The following PHLPP1 variants were observed in gnomAD, a reference collection of about 807,000 sequenced individuals.
PHLPP1 encodes PH domain and leucine rich repeat protein phosphatase 1, also known as PH domain leucine-rich repeat-containing protein phosphatase 1.
In PHLPP1, 42 loss-of-function variants were observed where a neutral mutation model predicts 117.2. That is an observed-to-expected ratio of 0.36 (90% CI 0.28 to 0.46). PHLPP1 has a LOEUF of 0.46. PHLPP1 is among the 20% of genes least tolerant of loss of function. The probability of loss-of-function intolerance (pLI) is 1.00; values close to 1 mark genes in which losing one functional copy is unlikely to be tolerated. For missense variants in PHLPP1, 2,084 were observed against 2,241.9 expected, an observed-to-expected ratio of 0.93 and a Z score of 1.42; for synonymous variants, 1,042 against 970.7, an observed-to-expected ratio of 1.07 and a Z score of -1.37.
chr18:62,959,911 G>A (rs555011490), intron 13 of PHLPP1, among the ~76,000 whole-genome samples: 5 of 152,152 alleles, frequency 3.3e-5, no homozygotes, highest in Admixed American at 6.5e-5. Flanking sequence ...CGTAGAGACC[G>A]AGGTTCTCTC....
At chr18:62,975,795 G>A (rs543670759) in intron 16 of PHLPP1, among the ~76,000 whole-genome samples, 170 bp downstream of exon 16, 4 of 152,362 alleles carry the variant, frequency 2.6e-5, no homozygotes, top group East Asian at 1.9e-4. Context: ...ACATTATGAT[G>A]TATATGCTTG....
chr18:62,839,885 G>A lies in PHLPP1; in HGVS notation c.1899+976G>A, dbSNP rs80104082. The A allele has an allele frequency of 6.2e-3, 943 of 151,204 alleles. 15 individuals carry two copies. The highest frequency in any genetic ancestry group is 0.022 in the African/African-American group (904 of 41,228). 9.4% of individuals were successfully genotyped at this position (151,204 alleles called of 1,614,324 possible). A position where few individuals can be genotyped will look rare whatever the true frequency, so the allele number is the denominator to read the frequency against. On this transcript the variant is annotated intron_variant, in intron 3 of 16. Transcript: ENST00000262719. ...CTGATATTTCAGGTAACCTGTGTAA[G>A]AATGTTTTTATATCTCATTTAGAGA...
chr18:62,965,981 C>A (rs1910892426), intron 14 of PHLPP1, among the ~76,000 whole-genome samples: 1 of 151,874 alleles, frequency 6.6e-6, no homozygotes, highest in Non-Finnish European at 1.5e-5. Context: ...CCACTAATTG[C>A]CATATAATTT....
chr18:62,840,427 A>G (rs1915021159), intron 3 of PHLPP1, among the ~76,000 whole-genome samples: 1 of 152,224 alleles, frequency 6.6e-6, no homozygotes, highest in South Asian at 2.1e-4. Flanking sequence ...AATTAATGTG[A>G]TATTAGAAGT....
chr18:62,837,193 T>C (rs539628524), intron 2 of PHLPP1, among the ~76,000 whole-genome samples: 1 of 152,172 alleles, frequency 6.6e-6, no homozygotes, highest in Non-Finnish European at 1.5e-5. Flanking sequence ...GGTTTTGCCA[T>C]GTTGCACAGG....
chr18:62,754,799 C>T (rs970893897), intron 1 of PHLPP1, among the ~76,000 whole-genome samples: 3 of 152,164 alleles, frequency 2.0e-5, no homozygotes, highest in African/African-American at 7.2e-5. Flanking sequence ...GTAATGTTCA[C>T]GGCGTTACAT....
intron 1 of PHLPP1, among the ~76,000 whole-genome samples, chr18:62,726,653 G>A (rs545830958): frequency 1.4e-5 from 2 of 140,188 alleles, no homozygotes; most frequent in African/African-American, 5.4e-5. Flanking sequence ...GTGTGATCTC[G>A]GCTCACTACA....
At chr18:62,764,189 A>G (rs2144253660) in intron 1 of PHLPP1, among the ~76,000 whole-genome samples, 1 of 151,444 alleles carries the variant, frequency 6.6e-6, no homozygotes, top group Non-Finnish European at 1.5e-5. Context: ...AAAAACAACA[A>G]CAACCAAAAA....
At chr18:62,812,816 G>A (rs1309695951) in intron 1 of PHLPP1, among the ~76,000 whole-genome samples, 1 of 152,078 alleles carries the variant, frequency 6.6e-6, no homozygotes, top group Non-Finnish European at 1.5e-5. Context: ...TTTCTAGGTG[G>A]AATATAGAAG....
chr18:62,835,437 AC>A (rs912066256), intron 2 of PHLPP1, among the ~76,000 whole-genome samples: 2 of 151,394 alleles, frequency 1.3e-5, no homozygotes, highest in African/African-American at 4.9e-5. Context: ...ACCTCAGGTG[AC>A]CCCCCTGCCT....
In PHLPP1 at chr18:62,934,540, C is replaced by T. The variant is rs565257063; in HGVS notation, c.2961-7178C>T. Among the ~76,000 whole-genome samples the T allele has an allele frequency of 2.9e-4, 44 of 152,098 alleles. 1 individual carries two copies. Among genetic ancestry groups the T allele is most frequent in the African/African-American group, 9.9e-4 (41 of 41,512 alleles). Reference sequence around the variant, plus strand: ...CAGTGTATACACATGGCCATAAAGCCGGAAACAAGAGACACTGAGGACTCT... The same window carrying T: ...CAGTGTATACACATGGCCATAAAGCTGGAAACAAGAGACACTGAGGACTCT... On this transcript the variant is annotated intron_variant, in intron 10 of 16. Transcript: ENST00000262719.
intron 12 of PHLPP1, among the ~76,000 whole-genome samples, chr18:62,957,465 T>G (rs983696228): frequency 6.6e-6 from 1 of 152,140 alleles, no homozygotes; most frequent in Non-Finnish European, 1.5e-5. Context: ...TTTTTTTTTT[T>G]GACACAGATT....
At chr18:62,891,621 G>C (rs1916410489) in intron 4 of PHLPP1, among the ~76,000 whole-genome samples, 1 of 151,258 alleles carries the variant, frequency 6.6e-6, no homozygotes, top group Admixed American at 6.6e-5. Flanking sequence ...TAGGCACGAT[G>C]ACTCATGCCT....
At chr18:62,749,814 G>A (rs573889170) in intron 1 of PHLPP1, among the ~76,000 whole-genome samples, 73 of 152,286 alleles carry the variant, frequency 4.8e-4, no homozygotes, top group African/African-American at 1.6e-3. Flanking sequence ...TCAGGAGTTC[G>A]AGACTAGCCT....
At chr18:62,787,174 A>G (rs188148654) in intron 1 of PHLPP1, among the ~76,000 whole-genome samples, 1 of 151,916 alleles carries the variant, frequency 6.6e-6, no homozygotes, top group Admixed American at 6.6e-5. Flanking sequence ...TTTTCTTTTT[A>G]GCTTAACAGA....
intron 3 of PHLPP1, 118 bp downstream of exon 3, chr18:62,839,027 A>T (rs1167167959): frequency 4.0e-5 from 42 of 1,044,072 alleles, no homozygotes; most frequent in Middle Eastern, 2.1e-4. Context: ...TCCTCCCCAG[A>T]TACTGCCAGT....
At chr18:62,877,602 T>C (rs1158818116) in intron 4 of PHLPP1, among the ~76,000 whole-genome samples, 2 of 152,176 alleles carry the variant, frequency 1.3e-5, no homozygotes, top group African/African-American at 2.4e-5. Context: ...TTTCATGGAA[T>C]GTATGGAATG....
intron 14 of PHLPP1, among the ~76,000 whole-genome samples, chr18:62,969,916 T>C (rs1911002849): frequency 6.6e-6 from 1 of 152,204 alleles, no homozygotes; most frequent in Non-Finnish European, 1.5e-5. Context: ...TCAGTCTGAA[T>C]TTTTTGTCTT....
rs1911317951 is a variant in PHLPP1 at position 62,979,602 on chromosome 18, G to A, written c.*171G>A. On this transcript the variant is annotated 3_prime_UTR_variant, in exon 17 of 17. Coordinates refer to ENST00000262719, the MANE Select transcript of PHLPP1 (RefSeq NM_194449.4). The stretch of plus-strand genomic sequence containing the variant: ...CTCTTTCTTTGGGTTATTTTTTTAA[G>A]TAATCACCACTTTCTTCTAGTGATG... The A allele has an allele frequency of 1.5e-6, 1 of 678,360 alleles. No individual in the cohort carries two copies. The highest frequency in any genetic ancestry group is 2.4e-6 in the Non-Finnish European group (1 of 408,468). The allele number at this position is 678,360 out of a possible 1,614,324, so 42.0% of individuals were successfully genotyped here.
Sources: gnomAD v4.1 joint callset for allele counts (sites outside exome capture counted in the v4.1 genomes callset) on GRCh38, gnomAD v4.1.1 for gene constraint, MANE v1.5 for transcripts, NCBI Gene and HGNC (gene_info 2026-07-23, HGNC 2026-07-21) for gene names.